The following NLN variants were observed in gnomAD, a reference collection of about 807,000 sequenced individuals.
NLN encodes neurolysin, mitochondrial.
In NLN, 64 loss-of-function variants were observed where a neutral mutation model predicts 79.9. That is an observed-to-expected ratio of 0.80 (90% confidence interval 0.65 to 0.99). NLN has a LOEUF of 0.99. Ranked by LOEUF, NLN falls within the 50% of genes least tolerant of loss-of-function variation. The pLI, the probability that NLN is intolerant of heterozygous loss-of-function variation, is 0.00. For synonymous variants in NLN, 267 were observed against 296.6 expected (o/e 0.90, Z 1.02); for missense variants, 835 against 858.7 (o/e 0.97, Z 0.34).
chr5:65,767,755 G>C (rs906235705), intron 3 of NLN, among the ~76,000 whole-genome samples: 4 of 152,166 alleles, frequency 2.6e-5, no homozygotes, highest in African/African-American at 4.8e-5. Flanking sequence ...ATCTCTTTGT[G>C]TACACACATG....
chr5:65,768,807 C>T (rs575950147), intron 3 of NLN, among the ~76,000 whole-genome samples: 1 of 152,262 alleles, frequency 6.6e-6, no homozygotes, highest in Non-Finnish European at 1.5e-5. Context: ...ACAGGGAGAA[C>T]TCTCCTTCTC....
At chr5:65,783,521 G>C (rs1388028214) in intron 6 of NLN, among the ~76,000 whole-genome samples, 1 of 152,070 alleles carries the variant, frequency 6.6e-6, no homozygotes, top group Non-Finnish European at 1.5e-5. Context: ...AGCTGGCTTT[G>C]AGGAAGGCTG....
chr5:65,792,399 G>A, intron 8 of NLN, 55 bp from the exon 9 acceptor site: 3 of 1,071,248 alleles, frequency 2.8e-6, no homozygotes, highest in South Asian at 1.3e-5. Context: ...CCATGCCAGT[G>A]TAGTTGCTAG....
chr5:65,749,427 G>A (rs765349162), intron 1 of NLN, among the ~76,000 whole-genome samples: 6 of 152,212 alleles, frequency 3.9e-5, no homozygotes, highest in Non-Finnish European at 8.8e-5. Flanking sequence ...AGGAGCCTGA[G>A]AGAATGTCAG....
At chr5:65,800,679 T>TTTAG (rs1302629701) in intron 9 of NLN, among the ~76,000 whole-genome samples, 1 of 150,124 alleles carries the variant, frequency 6.7e-6, no homozygotes, top group African/African-American at 2.5e-5. Flanking sequence ...TATTTATTTA[T>TTTAG]TTATTTATTT....
chr5:65,736,833 G>A (rs758624262), intron 1 of NLN, among the ~76,000 whole-genome samples: 1 of 152,118 alleles, frequency 6.6e-6, no homozygotes, highest in Non-Finnish European at 1.5e-5. Flanking sequence ...AGTCATGGTG[G>A]CTCACGCCTG....
chr5:65,722,502 C>A, intron 1 of NLN, 88 bp downstream of exon 1: 1 of 1,214,268 alleles, frequency 8.2e-7, no homozygotes, highest in Non-Finnish European at 1.2e-6. Context: ...CACCCCTTCC[C>A]GACCGCGCCT....
chr5:65,793,262 A>G (rs2150764990), intron 9 of NLN: 1 of 176,488 alleles, frequency 5.7e-6, no homozygotes, highest in South Asian at 1.2e-4. Context: ...GGCCCAGACT[A>G]TTCTAGCATG....
At chr5:65,726,304 T>C (rs1035867127) in intron 1 of NLN, among the ~76,000 whole-genome samples, 3 of 152,184 alleles carry the variant, frequency 2.0e-5, no homozygotes, top group Non-Finnish European at 2.9e-5. Flanking sequence ...TAAAAATTCA[T>C]ACTTTTTACC....
Position 65,794,656 on chromosome 5 carries a change from C to T in NLN, c.1527+2001C>T, listed in dbSNP as rs543532931. Among the ~76,000 whole-genome samples, 40 of 152,120 alleles carry T rather than the reference C, an allele frequency of 2.6e-4. 1 individual carries two copies. The highest frequency in any genetic ancestry group is 6.7e-4 in the African/African-American group (28 of 41,528). On this transcript the variant is annotated intron_variant, in intron 9 of 12. Coordinates refer to ENST00000380985, the MANE Select transcript of NLN (RefSeq NM_020726.5). ...AATATGTACAGTGGGGTTAGTTTCT[C>T]GGTTTAGTTACAGCTAGTTTTTTTG...
rs1258840726 is a variant in NLN, at chr5:65,738,939, T to TATATATATA, written c.41+16525_41+16526insATATATATA. Among the ~76,000 whole-genome samples, 319 of 114,510 alleles carry TATATATATA rather than the reference T, an allele frequency of 2.8e-3. 4 individuals are homozygous for TATATATATA. The highest frequency in any genetic ancestry group is 0.01 in the African/African-American group (295 of 29,090). The allele number at this position is 114,510 out of a possible 152,430, so 75.1% of individuals were successfully genotyped here. On this transcript the variant is annotated intron_variant, in intron 1 of 12. Transcript: ENST00000380985. ...TGATATATATGTGTGTATATATATTTTTTATATATGTTTATATATATGTAT... is the reference window on the plus strand; with the variant it reads ...TGATATATATGTGTGTATATATATTTATATATATATTTATATATGTTTATATATATGTAT...
At chr5:65,809,391 C>T (rs1760490972) in intron 9 of NLN, 124 bp from the exon 10 acceptor site, 1 of 741,286 alleles carries the variant, frequency 1.3e-6, no homozygotes, top group Admixed American at 2.9e-5. Context: ...GTTATTCTAA[C>T]CCCTCATTCA....
chr5:65,762,488 C>T (rs1307028986), intron 2 of NLN, among the ~76,000 whole-genome samples: 2 of 152,022 alleles, frequency 1.3e-5, no homozygotes, highest in African/African-American at 4.8e-5. Context: ...AGTTTGAGAC[C>T]AGCCTGGGAA....
intron 1 of NLN, among the ~76,000 whole-genome samples, chr5:65,757,025 A>T (rs978430960): frequency 6.6e-6 from 1 of 152,134 alleles, no homozygotes; most frequent in Non-Finnish European, 1.5e-5. Flanking sequence ...CTTTGCTTAC[A>T]CTTGTCATAA....
intron 3 of NLN, among the ~76,000 whole-genome samples, chr5:65,774,910 A>G (rs1217948147): frequency 6.6e-6 from 1 of 151,868 alleles, no homozygotes; most frequent in African/African-American, 2.4e-5. Flanking sequence ...TTTTTAGTAG[A>G]GACGGGGTTT....
intron 3 of NLN, among the ~76,000 whole-genome samples, chr5:65,770,465 A>G (rs1466585083): frequency 6.6e-6 from 1 of 152,214 alleles, no homozygotes; most frequent in Non-Finnish European, 1.5e-5. Context: ...GAAGACCATA[A>G]TAAGTTACCA....
At position 65,788,364 on chromosome 5, in the gene NLN, G is replaced by T; in HGVS notation, c.1205G>T (p.Gly402Val). The part of the protein sequence containing the change: ...GLLNTYQELL[G>V]LSFEQMTDAH... ...CTGAACACCTACCAGGAGTTGTTGG[G>T]ACTTTCATTTGAACAAATGACAGAT... The change falls in exon 8 of 13, where the codon GGA becomes GTA. Residue 402 changes from glycine to valine, a missense_variant. By Grantham distance (109) the Gly-to-Val change is moderately radical. Coordinates refer to ENST00000380985, the MANE Select transcript of NLN (RefSeq NM_020726.5). The T allele has an allele frequency of 7.4e-6, 12 of 1,614,164 alleles. No individual in the cohort carries two copies. Among genetic ancestry groups the T allele is most frequent in the Middle Eastern group, 1.7e-4 (1 of 6,060 alleles).
At chr5:65,745,298 C>G (rs1758953053) in intron 1 of NLN, among the ~76,000 whole-genome samples, 1 of 152,168 alleles carries the variant, frequency 6.6e-6, no homozygotes, top group African/African-American at 2.4e-5. Flanking sequence ...AAGCAAAGTA[C>G]AAAATCAGAG....
chr5:65,789,100 T>C (rs1759999850), intron 8 of NLN, among the ~76,000 whole-genome samples: 1 of 152,170 alleles, frequency 6.6e-6, no homozygotes, highest in Non-Finnish European at 1.5e-5. Context: ...ACTGCTGCAT[T>C]CTAGCCTAGG....
Sources: allele counts gnomAD v4.1 joint callset (sites outside exome capture counted in the v4.1 genomes callset), GRCh38; gene constraint gnomAD v4.1.1; transcripts MANE v1.5; gene names NCBI Gene and HGNC (gene_info 2026-07-23, HGNC 2026-07-21).